Variants in SLC25A26 observed in about 807,000 individuals in gnomAD.
The protein encoded by SLC25A26 is solute carrier family 25 member 26, also known as mitochondrial S-adenosylmethionine carrier protein.
SLC25A26 carries 36 observed loss-of-function variants against 37.8 expected under a neutral mutation model. The ratio of observed to expected loss-of-function variants is 0.95; its 90% CI spans 0.73 to 1.26. The LOEUF is 1.26. Among genes scored for constraint, SLC25A26 ranks in the 50% most tolerant of loss-of-function variants. SLC25A26 has a pLI of 0.00. For missense variants in SLC25A26, 390 were observed against 331.1 expected (o/e 1.18, Z -1.38); for synonymous variants, 129 against 122.5 (o/e 1.05, Z -0.35).
In SLC25A26 at chr3:66,266,576, CTT is replaced by C. The variant is rs1004250488; in HGVS notation, c.453+3217_453+3218del. On this transcript the variant is annotated intron_variant, in intron 5 of 9. Coordinates refer to ENST00000354883, the MANE Select transcript of SLC25A26 (RefSeq NM_001379210.1). ...TTTAGATTGTGTGAATGTTGTCACACTTTTTTTTTTTTTTTTTTTTTACTGCA... is the reference window on the plus strand; with the variant it reads ...TTTAGATTGTGTGAATGTTGTCACACTTTTTTTTTTTTTTTTTTTACTGCA... Among the ~76,000 whole-genome samples, 71 of 111,516 alleles carry C rather than the reference CTT, an allele frequency of 6.4e-4. 2 individuals are homozygous for C. In the South Asian group the frequency reaches 0.012, roughly 19 times the overall value. The allele number at this position is 111,516 out of a possible 152,430, so 73.2% of individuals were successfully genotyped here.
At chr3:66,222,382 G>A (rs1553658886) in intron 1 of SLC25A26, among the ~76,000 whole-genome samples, 2 of 152,030 alleles carry the variant, frequency 1.3e-5, no homozygotes, top group Non-Finnish European at 1.5e-5. Flanking sequence ...GGGTTTCACC[G>A]TGTTAGCCAG....
At chr3:66,359,462 C>T (rs2076648845) in intron 6 of SLC25A26, among the ~76,000 whole-genome samples, 1 of 152,216 alleles carries the variant, frequency 6.6e-6, no homozygotes, top group Non-Finnish European at 1.5e-5. Flanking sequence ...ATAAACTCAG[C>T]ATTATTACCA....
At chr3:66,264,431 G>C (rs1323684474) in intron 5 of SLC25A26, among the ~76,000 whole-genome samples, 2 of 152,190 alleles carry the variant, frequency 1.3e-5, no homozygotes, top group Non-Finnish European at 1.5e-5. Flanking sequence ...CCTGGTACTA[G>C]TCTGTGGCCT....
intron 7 of SLC25A26, among the ~76,000 whole-genome samples, chr3:66,366,661 T>C (rs1356898582): frequency 6.6e-6 from 1 of 152,258 alleles, no homozygotes; most frequent in African/African-American, 2.4e-5. Flanking sequence ...TGATTTGCAG[T>C]AACTAAATTT....
intron 3 of SLC25A26, among the ~76,000 whole-genome samples, chr3:66,260,116 T>A (rs2073465430): frequency 1.3e-5 from 2 of 152,182 alleles, no homozygotes; most frequent in Non-Finnish European, 2.9e-5. Context: ...AATGGTGTAA[T>A]CTTGGGCAGT....
chr3:66,290,523 A>G (rs1374281461), intron 5 of SLC25A26, among the ~76,000 whole-genome samples: 1 of 152,172 alleles, frequency 6.6e-6, no homozygotes, highest in African/African-American at 2.4e-5. Flanking sequence ...TTTTAGCATG[A>G]AGAGATGTTG....
intron 1 of SLC25A26, among the ~76,000 whole-genome samples, chr3:66,207,331 G>A (rs1158411029): frequency 6.6e-6 from 1 of 152,104 alleles, no homozygotes; most frequent in Non-Finnish European, 1.5e-5. Flanking sequence ...CACTCTTGGT[G>A]CAGTTCCAAC....
chr3:66,328,129 C>A (rs1252878671), intron 5 of SLC25A26, among the ~76,000 whole-genome samples: 1 of 152,056 alleles, frequency 6.6e-6, no homozygotes, highest in East Asian at 1.9e-4. Flanking sequence ...ATAAACAATA[C>A]ACACATTTTT....
intron 1 of SLC25A26, among the ~76,000 whole-genome samples, chr3:66,159,285 C>T (rs1206067532): frequency 1.3e-5 from 2 of 152,160 alleles, no homozygotes; most frequent in African/African-American, 4.8e-5. Context: ...AATGCTAGGC[C>T]TGACAATTAC....
chr3:66,227,249 T>G lies in SLC25A26; in HGVS notation c.33+6122T>G, dbSNP rs141222287. 3.7e-3 allele frequency among the ~76,000 whole-genome samples: 563 copies of G among 152,378 alleles called. 3 individuals carry two copies. The highest frequency in any genetic ancestry group is 0.017 in the East Asian group (90 of 5,188). On this transcript the variant is annotated intron_variant, in intron 1 of 9. Coordinates refer to ENST00000354883, the MANE Select transcript of SLC25A26 (RefSeq NM_001379210.1). The stretch of plus-strand genomic sequence containing the variant: ...TATTTTTTCTAGTTACTTATCTAGA[T>G]TAATGACAGCAGTGTGAATATTTCC...
intron 3 of SLC25A26, among the ~76,000 whole-genome samples, chr3:66,248,885 C>T (rs2072964673): frequency 6.6e-6 from 1 of 152,194 alleles, no homozygotes; most frequent in African/African-American, 2.4e-5. Context: ...TTGGAGATGA[C>T]ACTAGGGTTC....
chr3:66,259,896 C>T (rs986680843), intron 3 of SLC25A26, among the ~76,000 whole-genome samples: 4 of 152,190 alleles, frequency 2.6e-5, no homozygotes, highest in African/African-American at 7.2e-5. Flanking sequence ...TCTTACTTGT[C>T]ATTACTCCTG....
intron 5 of SLC25A26, among the ~76,000 whole-genome samples, chr3:66,307,240 T>A (rs2075251794): frequency 6.6e-6 from 1 of 152,262 alleles, no homozygotes. Flanking sequence ...TTGATTTGCG[T>A]TTCTCTAATG....
At chr3:66,325,614 G>A (rs796097773) in intron 5 of SLC25A26, among the ~76,000 whole-genome samples, 2 of 152,252 alleles carry the variant, frequency 1.3e-5, no homozygotes, top group African/African-American at 4.8e-5. Context: ...TTTATGAATA[G>A]TAAGTAACTA....
chr3:66,160,959 A>G lies in SLC25A26; in HGVS notation c.-354+26975A>G, dbSNP rs143139396. Among the ~76,000 whole-genome samples, 292 of 152,176 alleles carry G rather than the reference A, an allele frequency of 1.9e-3. 1 individual carries two copies. The highest frequency in any genetic ancestry group is 6.6e-3 in the African/African-American group (274 of 41,518). ...CAAAAAAAAAATGTAATTAAAGGGA[A>G]CACTTAGCTGACAGAGTTTACAAAA... is the stretch of plus-strand genomic sequence containing the variant. On this transcript the variant is annotated intron_variant, in intron 1 of 10. Transcript: ENST00000676754.
At chr3:66,353,990 G>C (rs530233502) in intron 6 of SLC25A26, among the ~76,000 whole-genome samples, 2 of 152,244 alleles carry the variant, frequency 1.3e-5, no homozygotes, top group South Asian at 4.2e-4. Flanking sequence ...ATGCAAAGTT[G>C]GATAACTGTA....
Position 66,221,002 on chromosome 3 carries a change from G to C in SLC25A26, c.-93G>C. The stretch of plus-strand genomic sequence containing the variant: ...CACGTGGTCCCGGAAGTTCAAGACA[G>C]ACCCGCCTCAAACATGGCGGCGCCC... On this transcript the variant is annotated 5_prime_UTR_variant, in exon 1 of 10. Coordinates refer to ENST00000354883, the MANE Select transcript of SLC25A26 (RefSeq NM_001379210.1). 7.3e-7 allele frequency: 1 copy of C among 1,372,272 alleles called. No individual in the cohort carries two copies. The highest frequency in any genetic ancestry group is 1.0e-6 in the Non-Finnish European group (1 of 997,382). 85.0% of individuals were successfully genotyped at this position (1,372,272 alleles called of 1,614,324 possible).
intron 1 of SLC25A26, among the ~76,000 whole-genome samples, chr3:66,230,425 A>G (rs148482147): frequency 0.053 from 8,066 of 152,076 alleles, 321 homozygotes; most frequent in East Asian, 0.2. Flanking sequence ...GGATTTTGTC[A>G]GGGGTGTGTG....
chr3:66,293,293 C>G (rs1199660294), intron 5 of SLC25A26: 1 of 152,058 alleles, frequency 6.6e-6, no homozygotes, highest in Non-Finnish European at 1.5e-5. Context: ...TTGAATGGTA[C>G]TAAAACATTG....
Sources: gnomAD v4.1 joint callset for allele counts (sites outside exome capture counted in the v4.1 genomes callset) on GRCh38, gnomAD v4.1.1 for gene constraint, MANE v1.5 for transcripts, NCBI Gene and HGNC (gene_info 2026-07-23, HGNC 2026-07-21) for gene names.